CMYA5: variants seen among roughly 807,000 people sequenced by gnomAD.
CMYA5 encodes cardiomyopathy-associated protein 5.
Under a neutral mutation model 318.9 loss-of-function variants are expected in CMYA5, and 246 were observed. That is an observed-to-expected ratio of 0.77 (90% CI 0.70 to 0.86). The LOEUF (loss-of-function observed/expected upper bound fraction) is 0.86, where lower values mean the gene tolerates loss of function less well. Ranked by LOEUF, CMYA5 falls within the 40% of genes least tolerant of loss-of-function variation. The pLI, the probability that CMYA5 is intolerant of heterozygous loss-of-function variation, is 0.00. For synonymous variants in CMYA5, 1,641 were observed against 1,729.5 expected (o/e 0.95, Z 1.27); for missense variants, 4,589 against 4,678.2 (o/e 0.98, Z 0.56).
rs764310921 is a variant in CMYA5 at position 79,732,192 on chromosome 5, A to C, written c.3427A>C (p.Ser1143Arg). The change falls in exon 2 of 13, where the codon AGT (serine) becomes CGT (arginine). Residue 1143 changes from serine to arginine, a missense_variant. Ser to Arg is a moderately radical substitution (Grantham distance 110). Transcript: ENST00000446378. ...AGTGGAGAAGGGAGAAAGGGAGGCA[A>C]GTTCATCAGTAGCTGCAATACCTGC... ...SEVEKGEREA[S>R]SSVAAIPAAL... 6 of 1,613,824 alleles carry C rather than the reference A, an allele frequency of 3.7e-6. No individual in the cohort carries two copies. The Admixed American group carries it at 6.7e-5, about 18-fold the overall frequency.
chr5:79,798,646 A>G (rs1195634414), intron 12 of CMYA5, among the ~76,000 whole-genome samples: 2 of 152,186 alleles, frequency 1.3e-5, no homozygotes, highest in Non-Finnish European at 2.9e-5. Context: ...TGCTCCATAC[A>G]GTATGGGATC....
intron 1 of CMYA5, among the ~76,000 whole-genome samples, chr5:79,706,021 A>G (rs1298332891): frequency 1.3e-5 from 2 of 152,216 alleles, no homozygotes; most frequent in East Asian, 1.9e-4. Flanking sequence ...TCTGGCCAGC[A>G]GCCCGCAATG....
chr5:79,703,909 A>G (rs940098742), intron 1 of CMYA5, among the ~76,000 whole-genome samples: 1 of 152,152 alleles, frequency 6.6e-6, no homozygotes, highest in Admixed American at 6.5e-5. Context: ...TTGTCCACAT[A>G]GGGAGACCCC....
At chr5:79,786,296 A>G (rs1829080268) in intron 9 of CMYA5, among the ~76,000 whole-genome samples, 1 of 152,210 alleles carries the variant, frequency 6.6e-6, no homozygotes, top group Non-Finnish European at 1.5e-5. Context: ...ACATAAAGCC[A>G]TCTCTTTCCA....
chr5:79,798,206 G>A (rs1829306499), intron 12 of CMYA5, among the ~76,000 whole-genome samples: 1 of 151,744 alleles, frequency 6.6e-6, no homozygotes, highest in African/African-American at 2.4e-5. Context: ...TTGAGCTTCT[G>A]AGCCTTAAGA....
rs368056379 is a variant in CMYA5, at chr5:79,730,138, C to T, written c.1373C>T (p.Pro458Leu). The T allele has an allele frequency of 6.9e-5, 111 of 1,613,692 alleles. No individual in the cohort carries two copies. Among genetic ancestry groups the T allele is most frequent in the East Asian group, 8.9e-5 (4 of 44,886 alleles). The change falls in exon 2 of 13, where the codon CCG (proline) becomes CTG (leucine). Residue 458 changes from proline to leucine, a missense_variant. Pro to Leu is a moderately conservative substitution (Grantham distance 98). Around this residue, in one of 3 missense-constraint regions of CMYA5, gnomAD observed 2,132 missense variants for 2,131.3 expected, o/e 1.00. Transcript: ENST00000446378. ...GGTTTGGACCCAGACCAAGAACAGCCGGACCTGACTTCAATAGAAAGGGCA... is the reference window on the plus strand; with the variant it reads ...GGTTTGGACCCAGACCAAGAACAGCTGGACCTGACTTCAATAGAAAGGGCA... Reference protein sequence around the residue: ...QDGLDPDQEQPDLTSIERAEP... With the variant: ...QDGLDPDQEQLDLTSIERAEP...
In CMYA5 at chr5:79,715,534, G is replaced by A. The variant is rs1019385216; in HGVS notation, c.150-13381G>A. Among the ~76,000 whole-genome samples the A allele has an allele frequency of 5.9e-5, 9 of 152,084 alleles. No individual in the cohort carries two copies. In the East Asian group the frequency reaches 9.7e-4, roughly 16 times the overall value. ...GATCTCCTGACCTCGTCATCCACCC[G>A]CCTCGGCCTCCCAAAGTGCTGGGAT... On this transcript the variant is annotated intron_variant, in intron 1 of 12. Coordinates refer to ENST00000446378, the MANE Select transcript of CMYA5 (RefSeq NM_153610.5).
Position 79,739,291 on chromosome 5 carries a change from T to A in CMYA5, c.10526T>A (p.Ile3509Asn), listed in dbSNP as rs1828164444. ...KAQKELKKSQ[I>N]DTYCYTCKCP... ...CAAAAAGAGCTGAAAAAGTCCCAGA[T>A]TGACACATACTGTTACACCTGCAAA... The change falls in exon 2 of 13, where the codon ATT (isoleucine) becomes AAT (asparagine). Residue 3509 changes from isoleucine (I) to asparagine (N), a missense_variant. Around this residue, in one of 3 missense-constraint regions of CMYA5, gnomAD observed 2,431 missense variants for 2,495.1 expected, o/e 0.97. Transcript: ENST00000446378. 6.2e-7 allele frequency: 1 copy of A among 1,606,630 alleles called. No homozygotes were observed. Among genetic ancestry groups the A allele is most frequent in the African/African-American group, 1.3e-5 (1 of 74,818 alleles).
chr5:79,738,223 C>T lies in CMYA5; in HGVS notation c.9458C>T (p.Pro3153Leu), dbSNP rs199839018. The T allele has an allele frequency of 7.3e-5, 118 of 1,613,752 alleles. No individual in the cohort carries two copies. The highest frequency in any genetic ancestry group is 8.5e-5 in the Non-Finnish European group (100 of 1,179,824). ...DTKRDVDSKS[P>L]GMPLFEAEEG... ...AAGAGAGATGTGGACTCAAAGTCAC[C>T]GGGGATGCCTTTATTTGAAGCAGAG... The change falls in exon 2 of 13, where the codon CCG becomes CTG. Residue 3153 changes from proline (P) to leucine (L), a missense_variant. Around this residue, in one of 3 missense-constraint regions of CMYA5, gnomAD observed 2,431 missense variants for 2,495.1 expected, o/e 0.97. Coordinates refer to ENST00000446378, the MANE Select transcript of CMYA5 (RefSeq NM_153610.5).
rs960563053 is a variant in CMYA5 at position 79,730,065 on chromosome 5, A to G, written c.1300A>G (p.Ile434Val). 1.2e-6 allele frequency: 2 copies of G among 1,613,670 alleles called. No homozygotes were observed. The highest frequency in any genetic ancestry group is 2.7e-5 in the African/African-American group (2 of 74,882). ...AGATGTGTATTCTGCTCACCATTCCATTTCTCTGGAGGCAGCGTCACCAGG... is the reference window on the plus strand; with the variant it reads ...AGATGTGTATTCTGCTCACCATTCCGTTTCTCTGGAGGCAGCGTCACCAGG... ...KEDVYSAHHS[I>V]SLEAASPGLA... Residue 434 changes from isoleucine (I) to valine (V), a missense_variant, in exon 2 of 13, where the codon ATT (isoleucine) becomes GTT (valine). Physicochemically the swap from Ile to Val is conservative, Grantham distance 29. Transcript: ENST00000446378.
rs199934092 is a variant in CMYA5 at position 79,734,130 on chromosome 5, A to G, written c.5365A>G (p.Lys1789Glu). 7.7e-5 allele frequency: 125 copies of G among 1,613,650 alleles called. No homozygotes were observed. The highest frequency in any genetic ancestry group is 1.6e-4 in the Middle Eastern group (1 of 6,080). The change falls in exon 2 of 13, where the codon AAG (lysine) becomes GAG (glutamate). Residue 1789 changes from lysine to glutamate, a missense_variant. This residue lies in a region of CMYA5 where 2,132 missense variants were observed against 2,131.3 expected (regional missense o/e 1.00). Coordinates refer to ENST00000446378, the MANE Select transcript of CMYA5 (RefSeq NM_153610.5). ...KAQVMGDILD[K>E]LSEETGHPNS... ...ACAAGTCATGGGAGATATTTTAGAT[A>G]AGCTAAGTGAAGAAACAGGCCACCC...
Position 79,737,133 on chromosome 5 carries a change from G to A in CMYA5, c.8368G>A (p.Glu2790Lys). The change falls in exon 2 of 13, where the codon GAA (glutamate) becomes AAA (lysine). Residue 2790 changes from glutamate to lysine, a missense_variant. Transcript: ENST00000446378. ...ESMKEGFPSKESERTLARPFD... is the reference protein window; with the variant it reads ...ESMKEGFPSKKSERTLARPFD... The stretch of plus-strand genomic sequence containing the variant: ...TATGAAAGAAGGATTTCCATCTAAA[G>A]AATCCGAAAGGACTTTAGCTCGTCC... 6.2e-7 allele frequency: 1 copy of A among 1,613,308 alleles called. No individual in the cohort carries two copies. The highest frequency in any genetic ancestry group is 8.5e-7 in the Non-Finnish European group (1 of 1,179,670).
chr5:79,788,576 G>T (rs1279720091), intron 9 of CMYA5, among the ~76,000 whole-genome samples: 1 of 150,594 alleles, frequency 6.6e-6, no homozygotes, highest in Admixed American at 7.0e-5. Flanking sequence ...AACTTTGGTG[G>T]CTTTAGCATG....
rs1055859573 is a variant in CMYA5 at position 79,734,103 on chromosome 5, G to C, written c.5338G>C (p.Ala1780Pro). 2 of 1,613,716 alleles carry C rather than the reference G, an allele frequency of 1.2e-6. No individual in the cohort carries two copies. Among genetic ancestry groups the C allele is most frequent in the African/African-American group, 2.7e-5 (2 of 74,984 alleles). ...GPLPPTGNLK[A>P]QVMGDILDKL... Reference sequence around the variant, plus strand: ...ATTACCACCAACTGGAAATTTGAAGGCACAAGTCATGGGAGATATTTTAGA... The same window carrying C: ...ATTACCACCAACTGGAAATTTGAAGCCACAAGTCATGGGAGATATTTTAGA... Residue 1780 changes from alanine to proline, a missense_variant, in exon 2 of 13, where the codon GCA becomes CCA. Physicochemically the swap from Ala to Pro is conservative, Grantham distance 27 (BLOSUM62 -1). Around this residue, in one of 3 missense-constraint regions of CMYA5, gnomAD observed 2,132 missense variants for 2,131.3 expected, o/e 1.00. Coordinates refer to ENST00000446378, the MANE Select transcript of CMYA5 (RefSeq NM_153610.5).
At position 79,717,740 on chromosome 5, in the gene CMYA5, A is replaced by G. The variant is rs76565778; in HGVS notation, c.150-11175A>G. 6.3e-3 allele frequency among the ~76,000 whole-genome samples: 962 copies of G among 152,266 alleles called. 11 individuals are homozygous for G. The highest frequency in any genetic ancestry group is 0.022 in the African/African-American group (926 of 41,540). On this transcript the variant is annotated intron_variant, in intron 1 of 12. Transcript: ENST00000446378. Reference sequence around the variant, plus strand: ...ATCCTTATTCTTTCCATCCACAATGATGTTGAATGGCCTTTAGTATATCTA... The same window carrying G: ...ATCCTTATTCTTTCCATCCACAATGGTGTTGAATGGCCTTTAGTATATCTA...
intron 1 of CMYA5, among the ~76,000 whole-genome samples, chr5:79,724,219 G>A (rs183409385): frequency 2.0e-4 from 31 of 152,156 alleles, no homozygotes; most frequent in African/African-American, 7.5e-4. Context: ...ATCTACTTGG[G>A]AGGCTGAGGC....
Position 79,730,611 on chromosome 5 carries a change from G to A in CMYA5, c.1846G>A (p.Val616Ile), listed in dbSNP as rs35928567. The change falls in exon 2 of 13, where the codon GTT (valine) becomes ATT (isoleucine). Residue 616 changes from valine to isoleucine, a missense_variant. Physicochemically the swap from Val to Ile is conservative, Grantham distance 29. Coordinates refer to ENST00000446378, the MANE Select transcript of CMYA5 (RefSeq NM_153610.5). The part of the protein sequence containing the change: ...HELQEQEGEP[V>I]PPSNVEAIAE... Reference sequence around the variant, plus strand: ...ATTACAGGAGCAAGAAGGTGAGCCAGTTCCCCCATCCAATGTAGAAGCTAT... The same window carrying A: ...ATTACAGGAGCAAGAAGGTGAGCCAATTCCCCCATCCAATGTAGAAGCTAT... 25,086 of 1,614,008 alleles carry A rather than the reference G, an allele frequency of 0.016. 2,316 individuals carry two copies. In the Admixed American group the frequency reaches 0.25, roughly 16 times the overall value.
intron 5 of CMYA5, among the ~76,000 whole-genome samples, chr5:79,748,093 G>C (rs2151091300): frequency 6.6e-6 from 1 of 152,172 alleles, no homozygotes; most frequent in Middle Eastern, 3.4e-3. Context: ...TTGACTTATT[G>C]ACATTAATCA....
Position 79,764,380 on chromosome 5 carries a change from A to T in CMYA5, c.11555+1171A>T, listed in dbSNP as rs1014410932. On this transcript the variant is annotated intron_variant, in intron 9 of 12. Coordinates refer to ENST00000446378, the MANE Select transcript of CMYA5 (RefSeq NM_153610.5). ...GTATTTCGTGGTATATAAGTGCCAC[A>T]TTTTCTTTATCCAGTCTATCATTTG... is the stretch of plus-strand genomic sequence containing the variant. Among the ~76,000 whole-genome samples the T allele has an allele frequency of 4.8e-4, 73 of 152,220 alleles. 1 individual carries two copies. The highest frequency in any genetic ancestry group is 1.6e-3 in the African/African-American group (67 of 41,542).
Sources: allele counts gnomAD v4.1 joint callset (sites outside exome capture counted in the v4.1 genomes callset), GRCh38; gene constraint gnomAD v4.1.1; regional missense constraint gnomAD v4.1.1; transcripts MANE v1.5; gene names NCBI Gene and HGNC (gene_info 2026-07-23, HGNC 2026-07-21).